The following DCAF6 variants were observed in gnomAD, a reference collection of about 807,000 sequenced individuals.
DCAF6 encodes the protein DDB1 and CUL4 associated factor 6.
A neutral mutation model predicts 125.1 loss-of-function variants in DCAF6; 54 were observed. The observed-to-expected ratio is 0.43, with a 90% CI of 0.35 to 0.54. The LOEUF (loss-of-function observed/expected upper bound fraction) is 0.54, where lower values mean the gene tolerates loss of function less well. DCAF6 is among the 20% of genes least tolerant of loss of function. The pLI is 0.01. For synonymous variants in DCAF6, 371 were observed against 390.4 expected, an observed-to-expected ratio of 0.95 and a Z score of 0.58; for missense variants, 934 against 1,161.7, an observed-to-expected ratio of 0.80 and a Z score of 2.85.
At chr1:167,982,961 C>T (rs12080570) in intron 4 of DCAF6, among the ~76,000 whole-genome samples, 2,211 of 152,220 alleles carry the variant, frequency 0.015, 57 homozygotes, top group African/African-American at 0.048. Context: ...TGTCGAAGAT[C>T]AGATGACTGT....
chr1:167,884,391 G>C, the DCAF6 span, among the ~76,000 whole-genome samples: 1 of 152,064 alleles, frequency 6.6e-6, no homozygotes, highest in Non-Finnish European at 1.5e-5. Flanking sequence ...TCACTATCAC[G>C]AGAACAGCAA....
rs1158811634 is a variant in DCAF6, at chr1:168,056,312, G to A, written c.2300+5379G>A. 6.0e-5 allele frequency: 97 copies of A among 1,604,982 alleles called. No homozygotes were observed. The South Asian group carries it at 9.3e-4, about 15-fold the overall frequency. The stretch of plus-strand genomic sequence containing the variant: ...CGGGTCCAGTGCGTAGCGTACGGAC[G>A]GCGCCCACCCCCAGCTGCCAGGGCC... On this transcript the variant is annotated intron_variant, in intron 17 of 21. Transcript: ENST00000367840.
chr1:167,893,922 G>A, the DCAF6 span: 5 of 1,613,304 alleles, frequency 3.1e-6, no homozygotes, highest in Admixed American at 8.3e-5. Flanking sequence ...GCTTCAGCGT[G>A]CATGCAAGCC....
rs141604879 is a variant in DCAF6, at chr1:168,019,751, T to C, written c.1550-3237T>C. ...TATACCCCAAAAGGGTGTAAAACAT[T>C]GGTGATTATTTTTGAAAAAGGGCTT... On this transcript the variant is annotated intron_variant, in intron 11 of 21. Transcript: ENST00000367840. The C allele has an allele frequency of 2.1e-3, 365 of 177,758 alleles. 2 individuals are homozygous for C. Among genetic ancestry groups the C allele is most frequent in the Non-Finnish European group, 3.2e-3 (263 of 81,364 alleles). 11.0% of individuals were successfully genotyped at this position (177,758 alleles called of 1,614,324 possible).
In DCAF6 at chr1:167,937,006, T is replaced by C; in HGVS notation, c.95T>C (p.Leu32Pro). ...CCGTCCCGGCTGCGGAGTCGCTACC[T>C]GGGTGAGCGGGGGCCCCGGGGCGGA... ...EDPSRLRSRY[L>P]GRREFIQRLK... Residue 32 changes from leucine to proline, a missense_variant and splice_region_variant, in exon 1 of 22, where the codon CTG (leucine) becomes CCG (proline). Transcript: ENST00000367840. The C allele has an allele frequency of 6.2e-7, 1 of 1,608,032 alleles. No individual in the cohort carries two copies. The highest frequency in any genetic ancestry group is 8.5e-7 in the Non-Finnish European group (1 of 1,177,954).
intron 2 of DCAF6, among the ~76,000 whole-genome samples, chr1:167,953,444 C>G (rs1205771499): frequency 6.6e-6 from 1 of 152,160 alleles, no homozygotes; most frequent in Admixed American, 6.5e-5. Flanking sequence ...TGTTCATAGT[C>G]TACACTTTTG....
At chr1:167,955,702 A>G (rs1025524929) in intron 2 of DCAF6, among the ~76,000 whole-genome samples, 3 of 151,786 alleles carry the variant, frequency 2.0e-5, no homozygotes, top group African/African-American at 7.3e-5. Flanking sequence ...GACTTATTTC[A>G]CTGGTTAGTA....
chr1:167,979,859 C>G (rs529106723), intron 4 of DCAF6, among the ~76,000 whole-genome samples: 1 of 151,776 alleles, frequency 6.6e-6, no homozygotes, highest in East Asian at 1.9e-4. Flanking sequence ...TGCACTCCAG[C>G]GTGGGTGACA....
chr1:167,962,437 C>A (rs1258169229), intron 2 of DCAF6, among the ~76,000 whole-genome samples: 1 of 152,002 alleles, frequency 6.6e-6, no homozygotes, highest in South Asian at 2.1e-4. Flanking sequence ...ACCTCTTTAT[C>A]GTTATGAAAT....
chr1:168,072,058 G>A (rs1358624481), intron 21 of DCAF6, among the ~76,000 whole-genome samples: 2 of 151,874 alleles, frequency 1.3e-5, no homozygotes, highest in Non-Finnish European at 2.9e-5. Flanking sequence ...AGCACTTTGG[G>A]AGGCCGAGGC....
At chr1:167,920,465 A>G in the DCAF6 span, 6 of 1,389,082 alleles carry the variant, frequency 4.3e-6, no homozygotes, top group Admixed American at 2.0e-5. Context: ...TCAAACACTA[A>G]GCCACTAAAT....
At chr1:167,870,293 A>T in the DCAF6 span, 3 of 1,614,094 alleles carry the variant, frequency 1.9e-6, no homozygotes, top group Non-Finnish European at 2.5e-6. Flanking sequence ...CTCAATTTTC[A>T]TAAGTATCTG....
intron 4 of DCAF6, among the ~76,000 whole-genome samples, chr1:167,980,997 C>T (rs1200802172): frequency 1.3e-5 from 2 of 150,096 alleles, no homozygotes; most frequent in African/African-American, 4.9e-5. Flanking sequence ...CCCTCTGCCT[C>T]CCAGGTTCAA....
chr1:167,881,537 A>G, the DCAF6 span, among the ~76,000 whole-genome samples: 1 of 152,336 alleles, frequency 6.6e-6, no homozygotes, highest in East Asian at 1.9e-4. Context: ...TGGGGGAAGC[A>G]GGGAGCTTTT....
At chr1:167,996,336 C>G (rs1681693189) in intron 7 of DCAF6, among the ~76,000 whole-genome samples, 1 of 151,932 alleles carries the variant, frequency 6.6e-6, no homozygotes, top group Non-Finnish European at 1.5e-5. Context: ...TATTGGGCTT[C>G]TTTGTTGAAT....
rs911810978 is a variant in DCAF6 at position 167,981,229 on chromosome 1, T to G, written c.438+6214T>G. ...CCTCCCCCATGTTTTCTTCTAGGAGTTTTATACTTTCAGTTTGTAGGTTTA... is the reference window on the plus strand; with the variant it reads ...CCTCCCCCATGTTTTCTTCTAGGAGGTTTATACTTTCAGTTTGTAGGTTTA... On this transcript the variant is annotated intron_variant, in intron 4 of 21. Transcript: ENST00000367840. 3.3e-5 allele frequency among the ~76,000 whole-genome samples: 5 copies of G among 152,138 alleles called. No homozygotes were observed. The South Asian group carries it at 6.2e-4, about 19-fold the overall frequency.
At chr1:167,940,610 A>C (rs1444808665) in intron 1 of DCAF6, among the ~76,000 whole-genome samples, 1 of 152,156 alleles carries the variant, frequency 6.6e-6, no homozygotes, top group African/African-American at 2.4e-5. Context: ...GGTGTAGAGT[A>C]GTGCTTTTGG....
At chr1:167,868,165 A>G in the DCAF6 span, among the ~76,000 whole-genome samples, 26 of 152,192 alleles carry the variant, frequency 1.7e-4, no homozygotes, top group Admixed American at 1.6e-3. Context: ...GAAAAACCAG[A>G]AATTTGTTTT....
intron 4 of DCAF6, among the ~76,000 whole-genome samples, chr1:167,982,567 G>A (rs1021133163): frequency 1.3e-5 from 2 of 152,078 alleles, no homozygotes; most frequent in Admixed American, 6.6e-5. Flanking sequence ...TTAAACCTTC[G>A]TCAGGTGCAT....
Sources: gnomAD v4.1 joint callset for allele counts (sites outside exome capture counted in the v4.1 genomes callset) on GRCh38, gnomAD v4.1.1 for gene constraint, MANE v1.5 for transcripts, NCBI Gene and HGNC (gene_info 2026-07-23, HGNC 2026-07-21) for gene names.